The following XRRA1 variants were observed in gnomAD, a reference collection of about 807,000 sequenced individuals.
XRRA1 encodes the protein X-ray radiation resistance associated 1.
A neutral mutation model predicts 80.2 loss-of-function variants in XRRA1; 69 were observed. That is an observed-to-expected ratio of 0.86 (90% confidence interval 0.71 to 1.05). XRRA1 has a LOEUF of 1.05. XRRA1 is among the 50% of genes least tolerant of loss of function. The pLI, the probability that XRRA1 is intolerant of heterozygous loss-of-function variation, is 0.00. For missense variants in XRRA1, 967 were observed against 976.4 expected (o/e 0.99, Z 0.13); for synonymous variants, 348 against 389.9 (o/e 0.89, Z 1.27).
chr11:74,844,103 G>A, intron 17 of XRRA1, 65 bp downstream of exon 17: 1 of 1,513,152 alleles, frequency 6.6e-7, no homozygotes, highest in Non-Finnish European at 9.2e-7. Flanking sequence ...CAAGGTGACA[G>A]CCACATCTGT....
chr11:74,845,225 AACTCTAAATC>A lies in XRRA1; in HGVS notation c.1765_1774del (p.Asp589Ter). 6.2e-7 allele frequency: 1 copy of A among 1,613,942 alleles called. No individual in the cohort carries two copies. The highest frequency in any genetic ancestry group is 2.2e-5 in the East Asian group (1 of 44,878). ...TGGTTTCTTTTGGTCTTTCTCCTTT[AACTCTAAATC>A]ATCCTTATGGATGACGGAGGAAGGC... On this transcript the variant is annotated frameshift_variant, in exon 16 of 19. Transcript: ENST00000684022. LOFTEE classifies it high-confidence loss of function.
intron 8 of XRRA1, among the ~76,000 whole-genome samples, chr11:74,909,140 G>A (rs1242215357): frequency 6.6e-6 from 1 of 152,102 alleles, no homozygotes; most frequent in Non-Finnish European, 1.5e-5. Flanking sequence ...AGTTCTGACT[G>A]GAAAAAGGGA....
At chr11:74,926,576 T>C (rs1049952051) in intron 7 of XRRA1, among the ~76,000 whole-genome samples, 1 of 152,192 alleles carries the variant, frequency 6.6e-6, no homozygotes, top group African/African-American at 2.4e-5. Flanking sequence ...TGTTGTCCTT[T>C]ACTCTCCACA....
At chr11:74,878,952 T>A (rs1590908049) in intron 10 of XRRA1, among the ~76,000 whole-genome samples, 1 of 151,808 alleles carries the variant, frequency 6.6e-6, no homozygotes, top group East Asian at 1.9e-4. Context: ...TGTGGGTTCT[T>A]TTTTGGTTCC....
chr11:74,936,982 T>A lies in XRRA1; in HGVS notation c.181A>T (p.Ser61Cys), dbSNP rs1471596525. ...LVGAQAERRE[S>C]LKATSFEFKG... ...AACTCAAAAGAAGTCGCCTTCAGGC[T>A]TTCCCGACGTTCAGCTTGTGCTCCA... is the stretch of plus-strand genomic sequence containing the variant. Residue 61 changes from serine (S) to cysteine (C), a missense_variant, in exon 4 of 19, where the codon AGC (serine) becomes TGC (cysteine). Ser to Cys is a moderately radical substitution (Grantham distance 112). Coordinates refer to ENST00000684022, the MANE Select transcript of XRRA1 (RefSeq NM_001378157.1). 2 of 1,613,884 alleles carry A rather than the reference T, an allele frequency of 1.2e-6. No homozygotes were observed. The highest frequency in any genetic ancestry group is 4.5e-5 in the East Asian group (2 of 44,870).
intron 10 of XRRA1, among the ~76,000 whole-genome samples, chr11:74,885,019 T>A (rs777245570): frequency 6.6e-6 from 1 of 152,088 alleles, no homozygotes; most frequent in Non-Finnish European, 1.5e-5. Flanking sequence ...ATCCCAGCAA[T>A]TTGGGAGGCT....
At chr11:74,893,377 A>T (rs1050764221) in intron 10 of XRRA1, among the ~76,000 whole-genome samples, 1 of 138,520 alleles carries the variant, frequency 7.2e-6, no homozygotes, top group Non-Finnish European at 1.5e-5. Context: ...GGACACAGGA[A>T]GGGAACATCA....
At chr11:74,946,218 C>T (rs971652618) in intron 1 of XRRA1, among the ~76,000 whole-genome samples, 9 of 152,196 alleles carry the variant, frequency 5.9e-5, no homozygotes, top group African/African-American at 1.9e-4. Flanking sequence ...GTTGGGATTA[C>T]AGGCGTGAAC....
chr11:74,908,001 A>G (rs78206786), intron 8 of XRRA1, among the ~76,000 whole-genome samples: 3,836 of 152,000 alleles, frequency 0.025, 136 homozygotes, highest in African/African-American at 0.089. Context: ...GACCTAGGTA[A>G]CTCTCTTCCA....
chr11:74,894,963 A>T (rs868084666), intron 10 of XRRA1, among the ~76,000 whole-genome samples: 1 of 152,206 alleles, frequency 6.6e-6, no homozygotes, highest in Non-Finnish European at 1.5e-5. Context: ...AAAAGTGCAC[A>T]TTAAAACAAA....
At chr11:74,886,219 A>G (rs2048984929) in intron 10 of XRRA1, among the ~76,000 whole-genome samples, 1 of 152,214 alleles carries the variant, frequency 6.6e-6, no homozygotes, top group South Asian at 2.1e-4. Flanking sequence ...CAGAGCAATC[A>G]GGCAGGAGAA....
intron 10 of XRRA1, among the ~76,000 whole-genome samples, chr11:74,889,311 C>CA: frequency 6.6e-6 from 1 of 152,158 alleles, no homozygotes; most frequent in African/African-American, 2.4e-5. Context: ...ACTAAGCTTC[C>CA]TAAGTGAAGG....
chr11:74,914,708 CT>C (rs67132744), intron 8 of XRRA1, among the ~76,000 whole-genome samples: 52,041 of 137,578 alleles, frequency 0.38, 8,797 homozygotes, highest in Middle Eastern at 0.46. Context: ...TGCAGATAAC[CT>C]TTTTTTTTTT....
chr11:74,867,526 A>G (rs1434854549), intron 10 of XRRA1, among the ~76,000 whole-genome samples: 1 of 152,208 alleles, frequency 6.6e-6, no homozygotes, highest in Non-Finnish European at 1.5e-5. Context: ...ACCAAAATAA[A>G]AAAATAGTAA....
intron 12 of XRRA1, among the ~76,000 whole-genome samples, chr11:74,853,176 A>T (rs538632998): frequency 3.9e-4 from 60 of 152,346 alleles, no homozygotes; most frequent in Non-Finnish European, 7.5e-4. Context: ...TTACAATGTG[A>T]TAAGTGTCAC....
At chr11:74,863,345 T>G (rs971265067) in intron 10 of XRRA1, 1 of 349,302 alleles carries the variant, frequency 2.9e-6, no homozygotes, top group African/African-American at 2.1e-5. Context: ...CTGACTGACC[T>G]TCAATCTGAC....
In XRRA1 at chr11:74,843,955, T is replaced by C; in HGVS notation, c.2048A>G (p.Gln683Arg). The C allele has an allele frequency of 6.2e-7, 1 of 1,613,264 alleles. No homozygotes were observed. Among genetic ancestry groups the C allele is most frequent in the Non-Finnish European group, 8.5e-7 (1 of 1,179,510 alleles). The change falls in exon 18 of 19, where the codon CAG becomes CGG. Residue 683 changes from glutamine to arginine, a missense_variant. By Grantham distance (43) the Gln-to-Arg change is conservative (BLOSUM62 1). Coordinates refer to ENST00000684022, the MANE Select transcript of XRRA1 (RefSeq NM_001378157.1). ...CTTTGGGGGTGGAATCGGGATTCTC[T>C]GGGCCTGGCAGAAGGTCATGGAGGA... ...KPYVHKEKRA[Q>R]RIPIPPPKKT...
At chr11:74,943,145 C>T (rs971924007) in intron 2 of XRRA1, among the ~76,000 whole-genome samples, 11 of 152,230 alleles carry the variant, frequency 7.2e-5, no homozygotes, top group African/African-American at 2.4e-4. Flanking sequence ...TATGGGGTGG[C>T]TCCGAGACTC....
rs1432161359 is a variant in XRRA1 at position 74,843,481 on chromosome 11, C to T, written c.2150-28G>A. On this transcript the variant is annotated intron_variant, in intron 18 of 18. Transcript: ENST00000684022. Reference sequence around the variant, plus strand: ...GCAGGAAAAGAAGCCAGGAGAGGCACCAAGCTCATCCTGGTTCTCACCTAG... The same window carrying T: ...GCAGGAAAAGAAGCCAGGAGAGGCATCAAGCTCATCCTGGTTCTCACCTAG... 4 of 1,599,870 alleles carry T rather than the reference C, an allele frequency of 2.5e-6. No individual in the cohort carries two copies. In the African/African-American group the frequency reaches 4.0e-5, roughly 16 times the overall value.
Sources: gnomAD v4.1 joint callset for allele counts (sites outside exome capture counted in the v4.1 genomes callset) on GRCh38, gnomAD v4.1.1 for gene constraint, MANE v1.5 for transcripts, NCBI Gene and HGNC (gene_info 2026-07-23, HGNC 2026-07-21) for gene names.